The following MACROD2 variants were observed in gnomAD, a reference collection of about 807,000 sequenced individuals.
MACROD2 encodes mono-ADP ribosylhydrolase 2, also known as ADP-ribose glycohydrolase MACROD2.
In MACROD2, 36 loss-of-function variants were observed where a neutral mutation model predicts 70.4. The ratio of observed to expected loss-of-function variants is 0.51; its 90% CI spans 0.39 to 0.68. The LOEUF (loss-of-function observed/expected upper bound fraction) is 0.68, where lower values mean the gene tolerates loss of function less well. Among genes scored for constraint, MACROD2 ranks in the 30% least tolerant of loss-of-function variants. The pLI, the probability that MACROD2 is intolerant of heterozygous loss-of-function variation, is 0.00. For synonymous variants in MACROD2, 172 were observed against 178.8 expected (o/e 0.96, Z 0.30); for missense variants, 496 against 538.4 (o/e 0.92, Z 0.78).
chr20:15,823,346 T>A (rs941559070), intron 8 of MACROD2, among the ~76,000 whole-genome samples: 9 of 147,908 alleles, frequency 6.1e-5, no homozygotes, highest in Non-Finnish European at 1.3e-4. Context: ...GCGAAGCAAA[T>A]CATATTTGCA....
At chr20:15,078,771 C>T (rs2075679861) in intron 5 of MACROD2, among the ~76,000 whole-genome samples, 1 of 150,676 alleles carries the variant, frequency 6.6e-6, no homozygotes, top group East Asian at 2.0e-4. Context: ...CTCAGCCTCT[C>T]GAGTAGCTGG....
At chr20:15,971,205 G>C (rs2066225260) in intron 13 of MACROD2, among the ~76,000 whole-genome samples, 1 of 152,064 alleles carries the variant, frequency 6.6e-6, no homozygotes, top group Non-Finnish European at 1.5e-5. Flanking sequence ...TACTTATTGT[G>C]CATTTTAAAA....
At chr20:15,922,748 T>G (rs547371014) in intron 10 of MACROD2, among the ~76,000 whole-genome samples, 1 of 152,356 alleles carries the variant, frequency 6.6e-6, no homozygotes, top group African/African-American at 2.4e-5. Flanking sequence ...AACTGGGTCT[T>G]GTATTCACTC....
At chr20:15,703,176 A>G (rs983006977) in intron 8 of MACROD2, among the ~76,000 whole-genome samples, 1 of 152,214 alleles carries the variant, frequency 6.6e-6, no homozygotes, top group Non-Finnish European at 1.5e-5. Flanking sequence ...TAAGACCTCA[A>G]GCTATTAGAA....
At chr20:16,018,587 A>G (rs1374082211) in intron 15 of MACROD2, among the ~76,000 whole-genome samples, 1 of 152,164 alleles carries the variant, frequency 6.6e-6, no homozygotes, top group African/African-American at 2.4e-5. Flanking sequence ...TTAACCGGAT[A>G]TATGTCCCCT....
chr20:15,120,865 T>C (rs979209754), intron 5 of MACROD2, among the ~76,000 whole-genome samples: 1 of 152,180 alleles, frequency 6.6e-6, no homozygotes, highest in South Asian at 2.1e-4. Context: ...CTTTAACACC[T>C]GTCACACTCA....
intron 5 of MACROD2, among the ~76,000 whole-genome samples, chr20:15,066,142 T>A (rs1314054129): frequency 1.1e-3 from 172 of 151,706 alleles, no homozygotes; most frequent in Non-Finnish European, 1.9e-3. Context: ...TTTTTATTTT[T>A]ATTTTTTGAG....
At chr20:14,492,907 CG>C (rs1302885499) in intron 3 of MACROD2, among the ~76,000 whole-genome samples, 1 of 151,718 alleles carries the variant, frequency 6.6e-6, no homozygotes, top group Non-Finnish European at 1.5e-5. Context: ...AATGTGTGTG[CG>C]GGGTTAATAA....
chr20:15,027,120 G>A (rs1313150887), intron 5 of MACROD2, among the ~76,000 whole-genome samples: 1 of 152,030 alleles, frequency 6.6e-6, no homozygotes, highest in African/African-American at 2.4e-5. Flanking sequence ...TGTCAGTGGG[G>A]GTAGGAGTGG....
At chr20:14,107,959 C>T (rs935534826) in intron 3 of MACROD2, among the ~76,000 whole-genome samples, 2 of 151,960 alleles carry the variant, frequency 1.3e-5, no homozygotes, top group African/African-American at 2.4e-5. Context: ...CTGGTAATAG[C>T]GCACAGAAAA....
At chr20:15,375,959 T>C (rs757227542) in intron 6 of MACROD2, among the ~76,000 whole-genome samples, 1 of 152,166 alleles carries the variant, frequency 6.6e-6, no homozygotes, top group Non-Finnish European at 1.5e-5. Context: ...GATGAATGAA[T>C]GCATCGACAT....
At chr20:14,895,171 C>G (rs2073812478) in intron 5 of MACROD2, 1 of 152,058 alleles carries the variant, frequency 6.6e-6, no homozygotes. Flanking sequence ...AATAAAAAAG[C>G]TAGGAAGGGA....
chr20:15,697,929 T>G lies in MACROD2; in HGVS notation c.646-164816T>G, dbSNP rs139700254. On this transcript the variant is annotated intron_variant, in intron 8 of 17. Coordinates refer to ENST00000684519, the MANE Select transcript of MACROD2 (RefSeq NM_001351661.2). ...GAAATGCCTGTTTCCACCCCTTTAC[T>G]TTAAGTTTATGTGAGTCCTTATGTG... Among the ~76,000 whole-genome samples the G allele has an allele frequency of 5.3e-5, 8 of 152,318 alleles. No individual in the cohort carries two copies. The East Asian group carries it at 1.5e-3, about 29-fold the overall frequency.
chr20:15,027,761 C>A (rs1282864867), intron 5 of MACROD2, among the ~76,000 whole-genome samples: 1 of 151,328 alleles, frequency 6.6e-6, no homozygotes, highest in African/African-American at 2.4e-5. Flanking sequence ...ATGTTCTCAC[C>A]CCTAATATGT....
intron 3 of MACROD2, among the ~76,000 whole-genome samples, chr20:14,108,099 C>T (rs2054395992): frequency 6.6e-6 from 1 of 151,528 alleles, no homozygotes; most frequent in African/African-American, 2.4e-5. Context: ...AGAGGAACAA[C>T]AAAAAGTTAA....
intron 5 of MACROD2, among the ~76,000 whole-genome samples, chr20:14,886,907 G>T (rs2073683656): frequency 6.6e-6 from 1 of 152,082 alleles, no homozygotes; most frequent in African/African-American, 2.4e-5. Context: ...AGAAACCCAG[G>T]TTCTCATTCC....
intron 3 of MACROD2, among the ~76,000 whole-genome samples, chr20:14,431,240 A>G (rs1319781969): frequency 6.6e-6 from 1 of 152,148 alleles, no homozygotes; most frequent in Non-Finnish European, 1.5e-5. Context: ...CTTATTGTGT[A>G]TGCAAGGAGG....
chr20:15,839,949 A>G (rs574988046), intron 8 of MACROD2, among the ~76,000 whole-genome samples: 4 of 152,184 alleles, frequency 2.6e-5, no homozygotes, highest in Non-Finnish European at 1.5e-5. Flanking sequence ...AGAAACAAGA[A>G]TTATCTACTG....
At chr20:15,611,263 G>A (rs1052882699) in intron 8 of MACROD2, among the ~76,000 whole-genome samples, 12 of 151,980 alleles carry the variant, frequency 7.9e-5, no homozygotes, top group African/African-American at 2.4e-4. Flanking sequence ...AAATAACTGA[G>A]TCTCAAAGAA....
Sources: allele counts gnomAD v4.1 joint callset (sites outside exome capture counted in the v4.1 genomes callset), GRCh38; gene constraint gnomAD v4.1.1; transcripts MANE v1.5; gene names NCBI Gene and HGNC (gene_info 2026-07-23, HGNC 2026-07-21).